SLC24A2: variants seen among roughly 807,000 people sequenced by gnomAD.
The protein encoded by SLC24A2 is sodium/potassium/calcium exchanger 2.
In SLC24A2, 36 loss-of-function variants were observed where a neutral mutation model predicts 62.0. The observed-to-expected ratio is 0.58, with a 90% CI of 0.44 to 0.77. The LOEUF is 0.77. Among genes scored for constraint, SLC24A2 ranks in the 30% least tolerant of loss-of-function variants. The pLI, the probability that SLC24A2 is intolerant of heterozygous loss-of-function variation, is 0.00. For synonymous variants in SLC24A2, 358 were observed against 294.0 expected, an observed-to-expected ratio of 1.22 and a Z score of -2.23; for missense variants, 846 against 817.9, an observed-to-expected ratio of 1.03 and a Z score of -0.42.
the SLC24A2 span, among the ~76,000 whole-genome samples, chr9:19,956,904 A>C: frequency 6.6e-6 from 1 of 152,122 alleles, no homozygotes; most frequent in Non-Finnish European, 1.5e-5. Flanking sequence ...ACACAGCAAA[A>C]AGATAGCTGT....
chr9:20,116,214 C>T, the SLC24A2 span, among the ~76,000 whole-genome samples: 1 of 152,168 alleles, frequency 6.6e-6, no homozygotes, highest in Middle Eastern at 3.2e-3. Context: ...ACAGCTCTCA[C>T]ACCAGAATGC....
At chr9:19,765,898 T>C (rs1011529612) in intron 2 of SLC24A2, among the ~76,000 whole-genome samples, 10 of 152,202 alleles carry the variant, frequency 6.6e-5, no homozygotes, top group Admixed American at 6.5e-4. Flanking sequence ...TGTTTTCCAA[T>C]TGGTTCCAAT....
At chr9:20,285,722 C>A in the SLC24A2 span, among the ~76,000 whole-genome samples, 1 of 152,152 alleles carries the variant, frequency 6.6e-6, no homozygotes, top group African/African-American at 2.4e-5. Context: ...AATTAACTAT[C>A]ACAAGAAAAG....
At chr9:20,094,891 A>C in the SLC24A2 span, among the ~76,000 whole-genome samples, 2 of 152,188 alleles carry the variant, frequency 1.3e-5, no homozygotes, top group Admixed American at 6.5e-5. Flanking sequence ...TTAATATTTC[A>C]GTTTTCATAT....
the SLC24A2 span, among the ~76,000 whole-genome samples, chr9:19,852,362 G>A: frequency 1.3e-5 from 2 of 152,224 alleles, no homozygotes; most frequent in Non-Finnish European, 2.9e-5. Context: ...CATTGCAATT[G>A]CTTTGGACAT....
chr9:20,266,903 C>A, the SLC24A2 span, among the ~76,000 whole-genome samples: 1 of 151,956 alleles, frequency 6.6e-6, no homozygotes, highest in African/African-American at 2.4e-5. Flanking sequence ...CAGAATGAGA[C>A]CCCATCTCCA....
At chr9:20,048,985 G>A in the SLC24A2 span, among the ~76,000 whole-genome samples, 1 of 151,626 alleles carries the variant, frequency 6.6e-6, no homozygotes, top group Admixed American at 6.6e-5. Flanking sequence ...ACAACGTGCA[G>A]GTTTGTTACA....
At chr9:20,237,390 C>T in the SLC24A2 span, among the ~76,000 whole-genome samples, 9 of 152,102 alleles carry the variant, frequency 5.9e-5, no homozygotes, top group Admixed American at 2.0e-4. Context: ...GATTACTTAG[C>T]CAGAAGATGG....
At chr9:19,991,332 A>T in the SLC24A2 span, among the ~76,000 whole-genome samples, 1 of 152,132 alleles carries the variant, frequency 6.6e-6, no homozygotes, top group African/African-American at 2.4e-5. Flanking sequence ...TGGGAGAAAG[A>T]CAAAGGCCAG....
chr9:19,984,819 T>G, the SLC24A2 span, among the ~76,000 whole-genome samples: 1 of 152,218 alleles, frequency 6.6e-6, no homozygotes, highest in South Asian at 2.1e-4. Context: ...CTGGGACAAC[T>G]GGATATCTAC....
chr9:19,711,652 A>G (rs906490133), intron 2 of SLC24A2, among the ~76,000 whole-genome samples: 1 of 152,254 alleles, frequency 6.6e-6, no homozygotes. Context: ...ATCAAAGCAC[A>G]TACCATACAA....
At chr9:20,303,668 C>A in the SLC24A2 span, among the ~76,000 whole-genome samples, 58 of 152,276 alleles carry the variant, frequency 3.8e-4, no homozygotes, top group African/African-American at 1.2e-3. Flanking sequence ...CCAATTATTA[C>A]CTCCTTCAAG....
At chr9:19,809,752 C>T in the SLC24A2 span, among the ~76,000 whole-genome samples, 1 of 152,074 alleles carries the variant, frequency 6.6e-6, no homozygotes, top group Admixed American at 6.5e-5. Flanking sequence ...CTGATCGAAC[C>T]GATCTGTGAG....
At chr9:19,526,512 G>C (rs1020291984) in intron 9 of SLC24A2, among the ~76,000 whole-genome samples, 3 of 152,092 alleles carry the variant, frequency 2.0e-5, no homozygotes, top group African/African-American at 7.2e-5. Flanking sequence ...ATCAACACTT[G>C]TTAGGTTCTG....
the SLC24A2 span, among the ~76,000 whole-genome samples, chr9:20,098,367 A>T: frequency 9.9e-5 from 15 of 152,142 alleles, no homozygotes; most frequent in Non-Finnish European, 1.3e-4. Flanking sequence ...TGATGCCCAA[A>T]CTCTTTTCAG....
At chr9:19,860,789 T>G in the SLC24A2 span, among the ~76,000 whole-genome samples, 1 of 152,132 alleles carries the variant, frequency 6.6e-6, no homozygotes, top group Non-Finnish European at 1.5e-5. Flanking sequence ...TAAGAGAACA[T>G]TGGCAGTTGT....
chr9:19,797,359 A>G, the SLC24A2 span, among the ~76,000 whole-genome samples: 1 of 152,186 alleles, frequency 6.6e-6, no homozygotes, highest in Non-Finnish European at 1.5e-5. Context: ...GTTTCCCACA[A>G]GTTCCTTTTT....
chr9:19,961,726 G>C, the SLC24A2 span, among the ~76,000 whole-genome samples: 2 of 152,212 alleles, frequency 1.3e-5, no homozygotes, highest in African/African-American at 4.8e-5. Flanking sequence ...TAGAGACTAT[G>C]TCATAAGAGG....
At chr9:20,070,681 A>G in the SLC24A2 span, among the ~76,000 whole-genome samples, 4 of 152,246 alleles carry the variant, frequency 2.6e-5, no homozygotes, top group African/African-American at 7.2e-5. Context: ...ATGCAAGATC[A>G]TTAGGATAAC....
Sources: allele counts gnomAD v4.1 joint callset (sites outside exome capture counted in the v4.1 genomes callset), GRCh38; gene constraint gnomAD v4.1.1; transcripts MANE v1.5; gene names NCBI Gene and HGNC (gene_info 2026-07-23, HGNC 2026-07-21).